Variants in RCAN2 observed in about 807,000 individuals in gnomAD.
RCAN2 encodes the protein calcipressin-2.
Under a neutral mutation model 23.6 loss-of-function variants are expected in RCAN2, and 9 were observed. The observed-to-expected ratio is 0.38, with a 90% CI of 0.23 to 0.67. RCAN2 has a LOEUF of 0.67. RCAN2 is among the 30% of genes least tolerant of loss of function. RCAN2 has a pLI of 0.51. For missense variants in RCAN2, 273 were observed against 302.3 expected (o/e 0.90, Z 0.72); for synonymous variants, 109 against 115.7 (o/e 0.94, Z 0.37).
At chr6:46,373,760 T>G (rs1233384372) in intron 2 of RCAN2, among the ~76,000 whole-genome samples, 2 of 152,312 alleles carry the variant, frequency 1.3e-5, no homozygotes, top group South Asian at 2.1e-4. Flanking sequence ...ACTTTTTGAC[T>G]GAGACTTTTG....
In RCAN2 at chr6:46,359,343, G is replaced by C. The variant is rs560439396; in HGVS notation, c.225+97409C>G. Among the ~76,000 whole-genome samples, 3 of 152,362 alleles carry C rather than the reference G, an allele frequency of 2.0e-5. No individual in the cohort carries two copies. The South Asian group carries it at 6.2e-4, about 32-fold the overall frequency. On this transcript the variant is annotated intron_variant, in intron 2 of 4. Coordinates refer to ENST00000371374, the MANE Select transcript of RCAN2 (RefSeq NM_001251974.2). ...TTTTCGACAGTTCCGGTGTGATACA[G>C]AGACAGGGACTGGGCTCTAAAACGC...
chr6:46,476,282 C>A (rs143453339), intron 1 of RCAN2, among the ~76,000 whole-genome samples: 1 of 152,110 alleles, frequency 6.6e-6, no homozygotes, highest in Non-Finnish European at 1.5e-5. Flanking sequence ...ATAATGAAGG[C>A]AATATTTTTT....
chr6:46,387,045 C>T (rs1160995693), intron 2 of RCAN2, among the ~76,000 whole-genome samples: 2 of 152,078 alleles, frequency 1.3e-5, no homozygotes, highest in Admixed American at 6.5e-5. Context: ...AACGGGCTAG[C>T]CATATGTAGA....
chr6:46,419,281 C>A (rs1489388608), intron 2 of RCAN2, among the ~76,000 whole-genome samples: 1 of 152,092 alleles, frequency 6.6e-6, no homozygotes, highest in East Asian at 1.9e-4. Flanking sequence ...AATAGTATAC[C>A]ACTAGATAAG....
intron 1 of RCAN2, among the ~76,000 whole-genome samples, chr6:46,458,896 C>CGCGCGCGTGTGTGTGT (rs57335093): frequency 6.7e-6 from 1 of 150,036 alleles, no homozygotes; most frequent in African/African-American, 2.5e-5. Flanking sequence ...CGCGCGCGCA[C>CGCGCGCGTGTGTGTGT]GTGTGTGTGT....
At chr6:46,457,569 A>T (rs746250937) in intron 1 of RCAN2, among the ~76,000 whole-genome samples, 5 of 152,226 alleles carry the variant, frequency 3.3e-5, no homozygotes, top group Non-Finnish European at 5.9e-5. Flanking sequence ...TATTTAAGAA[A>T]GTATGATCTA....
chr6:46,397,978 A>G (rs73454904), intron 2 of RCAN2, among the ~76,000 whole-genome samples: 7,612 of 152,274 alleles, frequency 0.05, 368 homozygotes, highest in South Asian at 0.13. Flanking sequence ...ATAGTTTCTC[A>G]TGGCCGAAAA....
intron 4 of RCAN2, among the ~76,000 whole-genome samples, chr6:46,226,786 C>T (rs1162086865): frequency 6.6e-6 from 1 of 152,100 alleles, no homozygotes; most frequent in Non-Finnish European, 1.5e-5. Flanking sequence ...TTTCTTTCTC[C>T]TGCCTGATTG....
At chr6:46,230,378 A>T (rs1433957923) in intron 4 of RCAN2, among the ~76,000 whole-genome samples, 1 of 152,192 alleles carries the variant, frequency 6.6e-6, no homozygotes, top group Admixed American at 6.5e-5. Context: ...CCAGAGGTGG[A>T]GTCTACAGAG....
chr6:46,468,952 T>A, intron 1 of RCAN2: 1 of 475,846 alleles, frequency 2.1e-6, no homozygotes, highest in Non-Finnish European at 2.7e-6. Flanking sequence ...TGAAAGTAAG[T>A]CACTGCCCCC....
intron 2 of RCAN2, among the ~76,000 whole-genome samples, chr6:46,294,353 C>T (rs1053751776): frequency 6.6e-6 from 1 of 152,054 alleles, no homozygotes. Context: ...CAATCTCATG[C>T]ATTACAAAGG....
intron 2 of RCAN2, among the ~76,000 whole-genome samples, chr6:46,417,406 A>T (rs547415905): frequency 6.6e-6 from 1 of 152,326 alleles, no homozygotes; most frequent in African/African-American, 2.4e-5. Context: ...AAGCCTCCTG[A>T]TTAAAAAGTC....
At chr6:46,429,729 T>C (rs925851240) in intron 2 of RCAN2, among the ~76,000 whole-genome samples, 3 of 152,170 alleles carry the variant, frequency 2.0e-5, no homozygotes, top group Non-Finnish European at 2.9e-5. Context: ...AATGTGAAGA[T>C]GTTAGTTAAC....
chr6:46,475,064 G>GT (rs752518725), intron 1 of RCAN2, among the ~76,000 whole-genome samples: 14 of 152,280 alleles, frequency 9.2e-5, no homozygotes, highest in Admixed American at 3.3e-4. Context: ...ATTAAAATGA[G>GT]TTTTTTTATT....
intron 2 of RCAN2, among the ~76,000 whole-genome samples, chr6:46,388,203 G>A (rs1199344212): frequency 2.0e-5 from 3 of 151,902 alleles, no homozygotes; most frequent in Non-Finnish European, 4.4e-5. Context: ...GTATACATAT[G>A]TAACAAACCT....
intron 1 of RCAN2, among the ~76,000 whole-genome samples, chr6:46,481,502 G>A (rs1768858956): frequency 6.6e-6 from 1 of 151,920 alleles, no homozygotes; most frequent in South Asian, 2.1e-4. Flanking sequence ...CTCTAAATTG[G>A]TTCTCATTAG....
intron 2 of RCAN2, among the ~76,000 whole-genome samples, chr6:46,382,368 G>A (rs1406862380): frequency 6.6e-6 from 1 of 152,124 alleles, no homozygotes; most frequent in African/African-American, 2.4e-5. Flanking sequence ...CAGCTACTCT[G>A]TAGGTAATGG....
chr6:46,405,626 A>T (rs954809236), intron 2 of RCAN2, among the ~76,000 whole-genome samples: 3 of 152,182 alleles, frequency 2.0e-5, no homozygotes, highest in Non-Finnish European at 4.4e-5. Flanking sequence ...CAGGGTGCTG[A>T]TTGGTGTATT....
chr6:46,226,998 G>T (rs1326589433), intron 4 of RCAN2, among the ~76,000 whole-genome samples: 2 of 152,124 alleles, frequency 1.3e-5, no homozygotes, highest in Admixed American at 6.5e-5. Context: ...TAGCATGAAG[G>T]GCTGTTGAAT....
Sources: allele counts gnomAD v4.1 joint callset (sites outside exome capture counted in the v4.1 genomes callset), GRCh38; gene constraint gnomAD v4.1.1; transcripts MANE v1.5; gene names NCBI Gene and HGNC (gene_info 2026-07-23, HGNC 2026-07-21).